Variants in ADAMTS19 observed in about 807,000 individuals in gnomAD.
The protein encoded by ADAMTS19 is ADAM metallopeptidase with thrombospondin type 1 motif 19, also known as A disintegrin and metalloproteinase with thrombospondin motifs 19.
Under a neutral mutation model 153.3 loss-of-function variants are expected in ADAMTS19, and 93 were observed. The observed-to-expected ratio is 0.61, with a 90% confidence interval of 0.51 to 0.72. The LOEUF (loss-of-function observed/expected upper bound fraction) is 0.72. Among genes scored for constraint, ADAMTS19 ranks in the 30% least tolerant of loss-of-function variants. ADAMTS19 has a pLI of 0.00. For synonymous variants in ADAMTS19, 600 were observed against 556.6 expected (o/e 1.08, Z -1.10); for missense variants, 1,482 against 1,552.1 (o/e 0.95, Z 0.76).
At chr5:129,540,658 T>G (rs1752624857) in intron 6 of ADAMTS19, among the ~76,000 whole-genome samples, 1 of 152,084 alleles carries the variant, frequency 6.6e-6, no homozygotes, top group African/African-American at 2.4e-5. Flanking sequence ...TAACTTGATT[T>G]AATACAAATT....
At chr5:129,678,586 T>C (rs1370262472) in intron 16 of ADAMTS19, among the ~76,000 whole-genome samples, 1 of 152,120 alleles carries the variant, frequency 6.6e-6, no homozygotes, top group Admixed American at 6.6e-5. Flanking sequence ...GAAATTTACT[T>C]TCAGTGCTGT....
chr5:129,723,845 A>G, intron 21 of ADAMTS19, among the ~76,000 whole-genome samples: 1 of 152,244 alleles, frequency 6.6e-6, no homozygotes, highest in Non-Finnish European at 1.5e-5. Context: ...GGGAAACGTA[A>G]GACACCAATC....
At chr5:129,506,104 A>G (rs1012106694) in intron 2 of ADAMTS19, among the ~76,000 whole-genome samples, 1 of 152,202 alleles carries the variant, frequency 6.6e-6, no homozygotes, top group African/African-American at 2.4e-5. Flanking sequence ...CATTGCAGAT[A>G]AAACAATTTA....
intron 13 of ADAMTS19, among the ~76,000 whole-genome samples, chr5:129,649,531 A>G (rs1307357296): frequency 6.6e-6 from 1 of 152,212 alleles, no homozygotes; most frequent in Admixed American, 6.5e-5. Flanking sequence ...AAACAAATTC[A>G]TACAAATTAG....
intron 7 of ADAMTS19, among the ~76,000 whole-genome samples, chr5:129,564,573 C>T (rs552062358): frequency 1.3e-5 from 2 of 152,274 alleles, no homozygotes; most frequent in South Asian, 4.1e-4. Context: ...TCCGATGAGA[C>T]AGTAAAACAG....
In ADAMTS19 at chr5:129,561,390, G is replaced by A. The variant is rs200173255; in HGVS notation, c.1372+9483G>A. ...TAAAAATACAAAAAATTAGCCGGGC[G>A]CGGTGGCGGGCGCCTGTAGTCCCAG... On this transcript the variant is annotated intron_variant, in intron 7 of 22. Coordinates refer to ENST00000274487, the MANE Select transcript of ADAMTS19 (RefSeq NM_133638.6). Among the ~76,000 whole-genome samples the A allele has an allele frequency of 1.0e-3, 152 of 152,156 alleles. No individual in the cohort carries two copies. The East Asian group carries it at 0.027, about 27-fold the overall frequency.
chr5:129,718,745 C>T (rs534788341), intron 21 of ADAMTS19, among the ~76,000 whole-genome samples: 1 of 152,260 alleles, frequency 6.6e-6, no homozygotes, highest in African/African-American at 2.4e-5. Flanking sequence ...AGACAAATTA[C>T]CCAAGTCTAT....
intron 10 of ADAMTS19, among the ~76,000 whole-genome samples, chr5:129,632,811 C>G (rs142782645): frequency 1.4e-4 from 22 of 152,138 alleles, no homozygotes; most frequent in African/African-American, 4.8e-4. Flanking sequence ...TGTTTATGTG[C>G]AAGATAGTCT....
chr5:129,583,021 T>C (rs1749601085), intron 7 of ADAMTS19, among the ~76,000 whole-genome samples: 1 of 152,192 alleles, frequency 6.6e-6, no homozygotes, highest in African/African-American at 2.4e-5. Context: ...TCTTTACAAT[T>C]TGGTATGTTT....
chr5:129,477,461 G>T (rs17163355), intron 2 of ADAMTS19, among the ~76,000 whole-genome samples: 17,366 of 152,118 alleles, frequency 0.11, 1,118 homozygotes, highest in African/African-American at 0.16. Flanking sequence ...GAGGTTAGTG[G>T]GCGGAAAGAT....
At chr5:129,660,210 C>T (rs1753761481) in intron 15 of ADAMTS19, among the ~76,000 whole-genome samples, 1 of 152,222 alleles carries the variant, frequency 6.6e-6, no homozygotes, top group South Asian at 2.1e-4. Context: ...GCAGATCAAA[C>T]TCTTAGTCTT....
chr5:129,659,172 C>G (rs897921512), intron 15 of ADAMTS19, among the ~76,000 whole-genome samples: 2 of 151,988 alleles, frequency 1.3e-5, no homozygotes, highest in Non-Finnish European at 2.9e-5. Context: ...TCAGGGAGTA[C>G]GTTTTTGGAA....
chr5:129,536,860 GA>G, intron 6 of ADAMTS19, among the ~76,000 whole-genome samples: 1 of 151,462 alleles, frequency 6.6e-6, no homozygotes, highest in South Asian at 2.1e-4. Flanking sequence ...ATTGAACAAT[GA>G]GAACACATGG....
chr5:129,509,079 G>C lies in ADAMTS19; in HGVS notation c.750G>C (p.Met250Ile), dbSNP rs545612417. Residue 250 changes from methionine (M) to isoleucine (I), a missense_variant and splice_region_variant, in exon 3 of 23, where the codon ATG (methionine) becomes ATC (isoleucine). Physicochemically the swap from Met to Ile is conservative, Grantham distance 10 (BLOSUM62 1). Coordinates refer to ENST00000274487, the MANE Select transcript of ADAMTS19 (RefSeq NM_133638.6). ...ASFSTCGGGL[M>I]GFIQLNEDFI... ...TCTTTTTGTGTTATATATTCCAGATGGGATTTATACAGCTCAATGAGGACT... is the reference window on the plus strand; with the variant it reads ...TCTTTTTGTGTTATATATTCCAGATCGGATTTATACAGCTCAATGAGGACT... 2 of 1,586,474 alleles carry C rather than the reference G, an allele frequency of 1.3e-6. No homozygotes were observed. Among genetic ancestry groups the C allele is most frequent in the African/African-American group, 2.7e-5 (2 of 73,534 alleles).
intron 10 of ADAMTS19, among the ~76,000 whole-genome samples, chr5:129,632,725 C>T (rs1752356581): frequency 6.6e-6 from 1 of 151,940 alleles, no homozygotes; most frequent in African/African-American, 2.4e-5. Flanking sequence ...TCTATCTTCT[C>T]TTCTCCATAG....
Position 129,737,735 on chromosome 5 carries a change from T to C in ADAMTS19, c.*517T>C, listed in dbSNP as rs1561679541. The C allele has an allele frequency of 6.6e-6, 1 of 152,560 alleles. No homozygotes were observed. Among genetic ancestry groups the C allele is most frequent in the South Asian group, 2.1e-4 (1 of 4,836 alleles). The allele number at this position is 152,560 out of a possible 1,614,324, so 9.5% of individuals were successfully genotyped here. ...GAACAGGTTTTTAGAGAATGTATTA[T>C]GAATTTGGTTCAGATTTATAGACAT... On this transcript the variant is annotated 3_prime_UTR_variant, in exon 23 of 23. Transcript: ENST00000274487.
In ADAMTS19 at chr5:129,733,944, C is replaced by CGT. The variant is rs34177749; in HGVS notation, c.3313-943_3313-942dup. On this transcript the variant is annotated intron_variant, in intron 21 of 22. Coordinates refer to ENST00000274487, the MANE Select transcript of ADAMTS19 (RefSeq NM_133638.6). ...GATAACTGGATAAAGCAAGTGTGTG[C>CGT]GTGTGTGTGTGTGTGTGTGTGTGTG... is the stretch of plus-strand genomic sequence containing the variant. Among the ~76,000 whole-genome samples the CGT allele has an allele frequency of 3.4e-3, 510 of 147,834 alleles. 3 individuals carry two copies. Among genetic ancestry groups the CGT allele is most frequent in the Non-Finnish European group, 4.1e-3 (274 of 66,632 alleles).
intron 2 of ADAMTS19, among the ~76,000 whole-genome samples, chr5:129,487,680 CGTT>C (rs1380308253): frequency 6.6e-6 from 1 of 151,940 alleles, no homozygotes; most frequent in Non-Finnish European, 1.5e-5. Context: ...ATAATGAACA[CGTT>C]GATCTGTTTC....
intron 13 of ADAMTS19, among the ~76,000 whole-genome samples, chr5:129,653,310 TG>T (rs1351572921): frequency 6.6e-6 from 1 of 152,196 alleles, no homozygotes; most frequent in East Asian, 1.9e-4. Context: ...TAATGTAGCA[TG>T]GAAATTGCTC....
Sources: gnomAD v4.1 joint callset for allele counts (sites outside exome capture counted in the v4.1 genomes callset) on GRCh38, gnomAD v4.1.1 for gene constraint, MANE v1.5 for transcripts, NCBI Gene and HGNC (gene_info 2026-07-23, HGNC 2026-07-21) for gene names.